The following DESI1 variants were observed in gnomAD, a reference collection of about 807,000 sequenced individuals.
DESI1 encodes the protein PPPDE peptidase domain containing 2.
In DESI1, 17 loss-of-function variants were observed where a neutral mutation model predicts 22.4. That is an observed-to-expected ratio of 0.76 (90% CI 0.52 to 1.14). DESI1 has a LOEUF of 1.14. Ranked by LOEUF, DESI1 falls within the 50% of genes most tolerant of loss-of-function variation. The pLI, the probability that DESI1 is intolerant of heterozygous loss-of-function variation, is 0.00. For missense variants in DESI1, 177 were observed against 208.9 expected (o/e 0.85, Z 0.94); for synonymous variants, 92 against 84.2 (o/e 1.09, Z -0.51).
intron 1 of DESI1, among the ~76,000 whole-genome samples, chr22:41,612,763 T>TC: frequency 6.6e-6 from 1 of 151,084 alleles, no homozygotes; most frequent in East Asian, 1.9e-4. Context: ...CTACTTTTTT[T>TC]TTTTTTTTTT....
intron 3 of DESI1, 69 bp downstream of exon 3, chr22:41,607,193 A>G: frequency 7.0e-7 from 1 of 1,423,920 alleles, no homozygotes; most frequent in Non-Finnish European, 9.4e-7. Context: ...AGTAGAAGCA[A>G]AGCTCCTGGT....
chr22:41,604,278 G>A (rs2067466486), intron 3 of DESI1, 125 bp from the exon 4 acceptor site: 10 of 705,800 alleles, frequency 1.4e-5, no homozygotes, highest in African/African-American at 2.0e-5. Flanking sequence ...TTTTTTAGAC[G>A]GAGTTTCTCT....
At chr22:41,606,811 G>A (rs1462183717) in intron 3 of DESI1, among the ~76,000 whole-genome samples, 2 of 146,684 alleles carry the variant, frequency 1.4e-5, no homozygotes, top group East Asian at 2.0e-4. Context: ...AGAAATTTTC[G>A]GAAAAGGGTG....
rs1031123751 is a variant in DESI1, at chr22:41,599,307, C to G, written c.*1790G>C. The G allele has an allele frequency of 6.6e-6, 1 of 152,138 alleles. No homozygotes were observed. Among genetic ancestry groups the G allele is most frequent in the Non-Finnish European group, 1.5e-5 (1 of 68,028 alleles). The allele number at this position is 152,138 out of a possible 1,614,324, so 9.4% of individuals were successfully genotyped here. A position where few individuals can be genotyped will look rare whatever the true frequency, so the allele number is the denominator to read the frequency against. On this transcript the variant is annotated 3_prime_UTR_variant, in exon 6 of 6. Transcript: ENST00000263256. ...AGTCCCTTCTTCATGCTCACTTTCC[C>G]AAAATCTAACTAATGGAGGTTCATG...
At chr22:41,604,437 G>C (rs893508179) in intron 3 of DESI1, among the ~76,000 whole-genome samples, 1 of 151,944 alleles carries the variant, frequency 6.6e-6, no homozygotes, top group African/African-American at 2.4e-5. Context: ...AGTAGATACA[G>C]GGTTTCACCA....
intron 1 of DESI1, among the ~76,000 whole-genome samples, chr22:41,619,329 A>T (rs1343274802): frequency 6.6e-6 from 1 of 152,140 alleles, no homozygotes; most frequent in Non-Finnish European, 1.5e-5. Context: ...TATAATTAAA[A>T]TTTTCTCATT....
In DESI1 at chr22:41,603,416, A is replaced by G. The variant is rs778765511; in HGVS notation, c.291-35T>C. The G allele has an allele frequency of 1.5e-5, 25 of 1,613,590 alleles. No homozygotes were observed. In the South Asian group the frequency reaches 2.6e-4, roughly 17 times the overall value. On this transcript the variant is annotated intron_variant, in intron 4 of 5. Coordinates refer to ENST00000263256, the MANE Select transcript of DESI1 (RefSeq NM_015704.3). ...GAAAGGTTTGCAGAACATATATGAG[A>G]AACCAGCAAGCGTCTATGTGGAATA...
chr22:41,608,095 G>C (rs2067493514), intron 1 of DESI1, among the ~76,000 whole-genome samples: 1 of 152,134 alleles, frequency 6.6e-6, no homozygotes, highest in African/African-American at 2.4e-5. Context: ...CTAGTATAAA[G>C]GTACCCCAGT....
chr22:41,617,846 C>G (rs1316634691), intron 1 of DESI1, among the ~76,000 whole-genome samples: 7 of 152,130 alleles, frequency 4.6e-5, no homozygotes, highest in Admixed American at 4.6e-4. Flanking sequence ...AGGTCTATTA[C>G]TCCATCTTCA....
intron 1 of DESI1, among the ~76,000 whole-genome samples, chr22:41,614,707 C>G (rs1278120542): frequency 6.6e-6 from 1 of 151,316 alleles, no homozygotes; most frequent in Non-Finnish European, 1.5e-5. Flanking sequence ...GCCTCAGCTT[C>G]CCGAGTAGCT....
chr22:41,612,746 C>G (rs1437048493), intron 1 of DESI1, among the ~76,000 whole-genome samples: 1 of 151,024 alleles, frequency 6.6e-6, no homozygotes, highest in African/African-American at 2.5e-5. Context: ...ATGTGTACCA[C>G]CCAGGCCTAC....
chr22:41,609,466 G>A (rs539013000), intron 1 of DESI1, among the ~76,000 whole-genome samples: 2 of 152,298 alleles, frequency 1.3e-5, no homozygotes, highest in Admixed American at 1.3e-4. Context: ...ACCTCCTTGG[G>A]GAAAAGGGTA....
intron 5 of DESI1, chr22:41,602,588 G>A: frequency 1.0e-6 from 1 of 985,568 alleles, no homozygotes; most frequent in Non-Finnish European, 1.2e-6. Flanking sequence ...AAATAGACAT[G>A]GTCCTGGAAT....
intron 1 of DESI1, among the ~76,000 whole-genome samples, 169 bp from the exon 2 acceptor site, chr22:41,608,030 G>A (rs2067493129): frequency 6.6e-6 from 1 of 152,188 alleles, no homozygotes; most frequent in African/African-American, 2.4e-5. Flanking sequence ...GTGACAGAGT[G>A]TAAGTAAGTT....
chr22:41,610,667 G>A (rs925634080), intron 1 of DESI1, among the ~76,000 whole-genome samples: 1 of 151,784 alleles, frequency 6.6e-6, no homozygotes, highest in Admixed American at 6.6e-5. Context: ...GAGGTCAGGA[G>A]TTTGAGATCA....
chr22:41,608,951 T>TC, intron 1 of DESI1, among the ~76,000 whole-genome samples: 1 of 152,310 alleles, frequency 6.6e-6, no homozygotes, highest in East Asian at 1.9e-4. Flanking sequence ...CCTGTGCCTT[T>TC]CTTTTTTTTA....
intron 5 of DESI1, chr22:41,602,617 T>C: frequency 1.0e-6 from 1 of 986,538 alleles, no homozygotes; most frequent in Non-Finnish European, 1.2e-6. Flanking sequence ...GCTGCCTGAA[T>C]GCAATCAACG....
chr22:41,600,718 C>A lies in DESI1; in HGVS notation c.*379G>T, dbSNP rs1333228842. On this transcript the variant is annotated 3_prime_UTR_variant, in exon 6 of 6. Coordinates refer to ENST00000263256, the MANE Select transcript of DESI1 (RefSeq NM_015704.3). The stretch of plus-strand genomic sequence containing the variant: ...CTCACCTGGGTCCCACAGGTGTTGG[C>A]AACTTGGGTAGAGCGTGAGTGTTCT... The A allele has an allele frequency of 1.0e-5, 2 of 193,082 alleles. No homozygotes were observed. Among genetic ancestry groups the A allele is most frequent in the Non-Finnish European group, 2.2e-5 (2 of 91,170 alleles). The allele number at this position is 193,082 out of a possible 1,614,324, so 12.0% of individuals were successfully genotyped here.
chr22:41,605,345 G>A (rs1335862600), intron 3 of DESI1, among the ~76,000 whole-genome samples: 1 of 152,180 alleles, frequency 6.6e-6, no homozygotes, highest in African/African-American at 2.4e-5. Context: ...GACTGCCAGA[G>A]AAAACTGAAG....
Sources: gnomAD v4.1 joint callset for allele counts (sites outside exome capture counted in the v4.1 genomes callset) on GRCh38, gnomAD v4.1.1 for gene constraint, MANE v1.5 for transcripts, NCBI Gene and HGNC (gene_info 2026-07-23, HGNC 2026-07-21) for gene names.